The following SEC24A variants were observed in gnomAD, a reference collection of about 807,000 sequenced individuals.
SEC24A encodes SEC24 homolog A, COPII component.
In SEC24A, 93 loss-of-function variants were observed where a neutral mutation model predicts 129.4. That is an observed-to-expected ratio of 0.72 (90% confidence interval 0.61 to 0.85). The LOEUF (loss-of-function observed/expected upper bound fraction) is 0.85, where lower values mean the gene tolerates loss of function less well. Among genes scored for constraint, SEC24A ranks in the 40% least tolerant of loss-of-function variants. The pLI is 0.00. For synonymous variants in SEC24A, 460 were observed against 467.3 expected (o/e 0.98, Z 0.20); for missense variants, 1,264 against 1,307.4 (o/e 0.97, Z 0.51).
intron 15 of SEC24A, among the ~76,000 whole-genome samples, chr5:134,699,731 A>C (rs1252214004): frequency 6.0e-5 from 6 of 100,596 alleles, no homozygotes; most frequent in African/African-American, 1.6e-4. Flanking sequence ...CCAGAGTTTC[A>C]CTCTCTCGCC....
At chr5:134,700,660 T>TC (rs1751978178) in intron 15 of SEC24A, among the ~76,000 whole-genome samples, 1 of 151,784 alleles carries the variant, frequency 6.6e-6, no homozygotes, top group Non-Finnish European at 1.5e-5. Flanking sequence ...CTCTTATCTA[T>TC]CCTTCACTAT....
intron 9 of SEC24A, among the ~76,000 whole-genome samples, chr5:134,682,695 C>T (rs921641290): frequency 6.6e-6 from 1 of 152,118 alleles, no homozygotes; most frequent in African/African-American, 2.4e-5. Context: ...CCACCTCAGC[C>T]TCCTGAGTAG....
intron 6 of SEC24A, among the ~76,000 whole-genome samples, chr5:134,675,454 A>G (rs1404403368): frequency 2.0e-5 from 3 of 152,236 alleles, no homozygotes; most frequent in Non-Finnish European, 4.4e-5. Context: ...AGATTATGAT[A>G]TTCATTATCA....
intron 22 of SEC24A, among the ~76,000 whole-genome samples, 159 bp downstream of exon 22, chr5:134,723,829 T>G (rs571831546): frequency 5.9e-5 from 9 of 152,182 alleles, no homozygotes; most frequent in Non-Finnish European, 1.0e-4. Flanking sequence ...ATACAGAACT[T>G]TTTTCATTTT....
Position 134,727,237 on chromosome 5 carries a change from C to T in SEC24A, c.*2143C>T, listed in dbSNP as rs958884605. The T allele has an allele frequency of 6.6e-6, 1 of 152,184 alleles. No homozygotes were observed. Among genetic ancestry groups the T allele is most frequent in the Non-Finnish European group, 1.5e-5 (1 of 67,952 alleles). 9.4% of individuals were successfully genotyped at this position (152,184 alleles called of 1,614,324 possible). On this transcript the variant is annotated 3_prime_UTR_variant, in exon 23 of 23. Coordinates refer to ENST00000398844, the MANE Select transcript of SEC24A (RefSeq NM_021982.3). ...AAAGCGACTAATATTTACACTATGC[C>T]ATATTTTTTTTAATTATAGTTGTAA... is the stretch of plus-strand genomic sequence containing the variant.
chr5:134,690,657 A>G (rs1057228733), intron 11 of SEC24A, among the ~76,000 whole-genome samples: 2 of 152,182 alleles, frequency 1.3e-5, no homozygotes, highest in East Asian at 3.9e-4. Flanking sequence ...ATAGAAATCT[A>G]GAAAGTGATT....
intron 11 of SEC24A, among the ~76,000 whole-genome samples, chr5:134,691,688 G>C (rs527727294): frequency 1.3e-4 from 20 of 151,696 alleles, no homozygotes; most frequent in Non-Finnish European, 2.2e-4. Flanking sequence ...ATTTTTACTA[G>C]AGACAGGGTT....
intron 18 of SEC24A, among the ~76,000 whole-genome samples, chr5:134,709,873 G>A (rs925674954): frequency 2.0e-5 from 3 of 151,696 alleles, no homozygotes; most frequent in Admixed American, 6.6e-5. Context: ...GCTCTTTCCT[G>A]TCCCTACAGA....
intron 1 of SEC24A, among the ~76,000 whole-genome samples, chr5:134,658,275 A>G (rs1388008504): frequency 6.6e-6 from 1 of 152,244 alleles, no homozygotes; most frequent in African/African-American, 2.4e-5. Context: ...TGTCTCAAAA[A>G]AAAATCAAAA....
chr5:134,695,716 T>C (rs550677516), intron 13 of SEC24A, among the ~76,000 whole-genome samples: 11 of 149,370 alleles, frequency 7.4e-5, no homozygotes, highest in African/African-American at 2.5e-4. Context: ...ACCTGGGAGG[T>C]TGCAGTGAGC....
intron 9 of SEC24A, among the ~76,000 whole-genome samples, chr5:134,684,169 G>C (rs559995185): frequency 4.3e-4 from 66 of 151,892 alleles, no homozygotes; most frequent in African/African-American, 1.5e-3. Context: ...CGGGCCTGGT[G>C]GTGAGTGCCT....
chr5:134,676,395 C>T (rs1174898325), intron 7 of SEC24A, among the ~76,000 whole-genome samples: 1 of 150,816 alleles, frequency 6.6e-6, no homozygotes, highest in Non-Finnish European at 1.5e-5. Context: ...GCCTTGGCCT[C>T]CCAAAGTGCT....
In SEC24A at chr5:134,661,473, A is replaced by G. The variant is rs1257572222; in HGVS notation, c.452A>G (p.His151Arg). 1.2e-6 allele frequency: 2 copies of G among 1,613,962 alleles called. No homozygotes were observed. Among genetic ancestry groups the G allele is most frequent in the East Asian group, 2.2e-5 (1 of 44,902 alleles). ...NYPSTASQTNHCPRASSQPTV... is the reference protein window; with the variant it reads ...NYPSTASQTNRCPRASSQPTV... ...CCATCCACAGCCTCACAAACAAACCATTGTCCTCGTGCATCATCCCAACCA... is the reference window on the plus strand; with the variant it reads ...CCATCCACAGCCTCACAAACAAACCGTTGTCCTCGTGCATCATCCCAACCA... The change falls in exon 2 of 23, where the codon CAT (histidine) becomes CGT (arginine). Residue 151 changes from histidine to arginine, a missense_variant. Coordinates refer to ENST00000398844, the MANE Select transcript of SEC24A (RefSeq NM_021982.3).
chr5:134,674,078 A>G (rs981945841), intron 4 of SEC24A, among the ~76,000 whole-genome samples: 1 of 152,152 alleles, frequency 6.6e-6, no homozygotes, highest in Non-Finnish European at 1.5e-5. Context: ...GGTTGCAGTG[A>G]GCCAAGGTTG....
chr5:134,710,685 C>T (rs746964442), intron 18 of SEC24A, among the ~76,000 whole-genome samples: 5 of 152,064 alleles, frequency 3.3e-5, no homozygotes, highest in Non-Finnish European at 5.9e-5. Context: ...TCATTTGCTA[C>T]TTATTATTTA....
intron 11 of SEC24A, among the ~76,000 whole-genome samples, chr5:134,689,043 C>T (rs942993764): frequency 3.9e-5 from 6 of 152,084 alleles, no homozygotes; most frequent in Non-Finnish European, 8.8e-5. Context: ...GTTTTTTCAA[C>T]AAATAGTTGT....
intron 1 of SEC24A, among the ~76,000 whole-genome samples, chr5:134,660,458 A>C (rs1467181095): frequency 6.6e-6 from 1 of 151,994 alleles, no homozygotes; most frequent in Non-Finnish European, 1.5e-5. Flanking sequence ...GGGCTGTGAG[A>C]TGGCCTATTT....
chr5:134,686,812 T>C lies in SEC24A; in HGVS notation c.1514T>C (p.Val505Ala), dbSNP rs778600080. ...EYMLRPPQPP[V>A]YLFVFDVSHN... ...CAGTTACGACCACCTCAGCCTCCAG[T>C]GTATCTCTTTGTATTTGATGTGTCT... is the stretch of plus-strand genomic sequence containing the variant. Residue 505 changes from valine to alanine, a missense_variant, in exon 10 of 23, where the codon GTG becomes GCG. Physicochemically the swap from Val to Ala is moderately conservative, Grantham distance 64. Transcript: ENST00000398844. 3.7e-6 allele frequency: 6 copies of C among 1,605,316 alleles called. No homozygotes were observed. The highest frequency in any genetic ancestry group is 2.7e-5 in the African/African-American group (2 of 74,718).
chr5:134,721,156 C>A, intron 21 of SEC24A, 66 bp downstream of exon 21: 1 of 894,218 alleles, frequency 1.1e-6, no homozygotes, highest in East Asian at 2.5e-5. Flanking sequence ...TGAATATCCC[C>A]TATTTTGATA....
Sources: allele counts gnomAD v4.1 joint callset (sites outside exome capture counted in the v4.1 genomes callset), GRCh38; gene constraint gnomAD v4.1.1; transcripts MANE v1.5; gene names NCBI Gene and HGNC (gene_info 2026-07-23, HGNC 2026-07-21).